CDK13: variants seen among roughly 807,000 people sequenced by gnomAD.
CDK13 encodes cyclin-dependent kinase 13.
In CDK13, 40 loss-of-function variants were observed where a neutral mutation model predicts 137.6. The observed-to-expected ratio is 0.29, with a 90% CI of 0.23 to 0.38. The LOEUF is 0.38. Among genes scored for constraint, CDK13 ranks in the 10% least tolerant of loss-of-function variants. The pLI, the probability that CDK13 is intolerant of heterozygous loss-of-function variation, is 1.00. For missense variants in CDK13, 1,704 were observed against 1,951.8 expected, an observed-to-expected ratio of 0.87 and a Z score of 2.39; for synonymous variants, 869 against 760.1, an observed-to-expected ratio of 1.14 and a Z score of -2.36.
chr7:39,967,993 A>G (rs367659638), intron 1 of CDK13, among the ~76,000 whole-genome samples: 4 of 152,216 alleles, frequency 2.6e-5, no homozygotes, highest in Middle Eastern at 3.4e-3. Context: ...CAGCCTCCCA[A>G]GTAGCTGGGA....
intron 5 of CDK13, among the ~76,000 whole-genome samples, chr7:40,010,014 ACTGGTTT>A (rs896591939): frequency 2.0e-5 from 3 of 152,126 alleles, no homozygotes; most frequent in African/African-American, 7.2e-5. Flanking sequence ...GACACCAGGG[ACTGGTTT>A]CATGCCATTT....
At chr7:40,012,851 G>A (rs1784924416) in intron 5 of CDK13, among the ~76,000 whole-genome samples, 1 of 151,144 alleles carries the variant, frequency 6.6e-6, no homozygotes, top group Non-Finnish European at 1.5e-5. Flanking sequence ...GGCGGAGGTT[G>A]CAGTGAACCA....
At position 40,094,895 on chromosome 7, in the gene CDK13, C is replaced by T. The variant is rs750105973; in HGVS notation, c.4454C>T (p.Ala1485Val). 1 of 1,510,310 alleles carries T rather than the reference C, an allele frequency of 6.6e-7. No homozygotes were observed. Among genetic ancestry groups the T allele is most frequent in the South Asian group, 1.4e-5 (1 of 72,740 alleles). 93.6% of individuals were successfully genotyped at this position (1,510,310 alleles called of 1,614,324 possible). ...CATGGACAGACCTGGACTTCTCCTG[C>T]CCAAGGACCTGGATATTCACAAGGA... ...LMHGQTWTSP[A>V]QGPGYSQGYR... Residue 1485 changes from alanine to valine, a missense_variant, in exon 14 of 14, where the codon GCC becomes GTC. By Grantham distance (64) the Ala-to-Val change is moderately conservative. Around this residue, in one of 5 missense-constraint regions of CDK13, gnomAD observed 475 missense variants for 579.3 expected, o/e 0.82. Transcript: ENST00000181839.
chr7:40,049,811 AC>A (rs747743192), intron 7 of CDK13, among the ~76,000 whole-genome samples: 2 of 152,042 alleles, frequency 1.3e-5, no homozygotes, highest in African/African-American at 2.4e-5. Context: ...TTTAGATTTC[AC>A]GTATAAGTGA....
intron 1 of CDK13, among the ~76,000 whole-genome samples, chr7:39,979,594 G>A (rs533947009): frequency 6.6e-6 from 1 of 152,226 alleles, no homozygotes; most frequent in South Asian, 2.1e-4. Flanking sequence ...CAGTGTCCTC[G>A]AGAATGGAAG....
intron 1 of CDK13, among the ~76,000 whole-genome samples, chr7:39,964,059 A>C (rs1382498035): frequency 6.6e-6 from 1 of 152,238 alleles, no homozygotes; most frequent in East Asian, 1.9e-4. Context: ...GATGTTCATC[A>C]GGGATATTGG....
rs1786834508 is a variant in CDK13, at chr7:40,088,205, G to A, written c.3109G>A (p.Val1037Ile). ...GAAGCAGATGGGCATGACTGATGAT[G>A]TTTCCACAATTAAAGCCCCCAGGAA... ...RQKQMGMTDD[V>I]STIKAPRKDL... The change falls in exon 12 of 14, where the codon GTT (valine) becomes ATT (isoleucine). Residue 1037 changes from valine to isoleucine, a missense_variant. Coordinates refer to ENST00000181839, the MANE Select transcript of CDK13 (RefSeq NM_003718.5). 1 of 1,613,806 alleles carries A rather than the reference G, an allele frequency of 6.2e-7. No homozygotes were observed. Among genetic ancestry groups the A allele is most frequent in the East Asian group, 2.2e-5 (1 of 44,858 alleles).
At chr7:40,038,155 G>A (rs950411268) in intron 5 of CDK13, among the ~76,000 whole-genome samples, 2 of 151,760 alleles carry the variant, frequency 1.3e-5, no homozygotes, top group Non-Finnish European at 2.9e-5. Flanking sequence ...TTAAATGTTT[G>A]TTTCATCCTC....
chr7:39,972,954 A>G (rs547666669), intron 1 of CDK13, among the ~76,000 whole-genome samples: 21 of 152,280 alleles, frequency 1.4e-4, no homozygotes, highest in African/African-American at 4.6e-4. Flanking sequence ...CACATCCTCA[A>G]CAAGAGTTGT....
chr7:40,071,252 T>G (rs1187587624), intron 9 of CDK13: 1 of 152,240 alleles, frequency 6.6e-6, no homozygotes, highest in Non-Finnish European at 1.5e-5. Context: ...TTGTATCTAC[T>G]GAGATTTACC....
chr7:40,032,102 C>T (rs1488792494), intron 5 of CDK13, among the ~76,000 whole-genome samples: 1 of 151,838 alleles, frequency 6.6e-6, no homozygotes, highest in Admixed American at 6.6e-5. Context: ...GTCACCCAGG[C>T]CTGGAGTGCA....
intron 5 of CDK13, among the ~76,000 whole-genome samples, chr7:40,014,731 C>CA (rs1171191806): frequency 6.6e-6 from 1 of 152,172 alleles, no homozygotes; most frequent in African/African-American, 2.4e-5. Flanking sequence ...GCTGGGATTA[C>CA]AGGCGTGTGC....
chr7:40,082,866 C>T (rs560870800), intron 11 of CDK13, among the ~76,000 whole-genome samples: 1 of 148,726 alleles, frequency 6.7e-6, no homozygotes, highest in East Asian at 2.1e-4. Context: ...TTTGAGAGGC[C>T]AAGGCAGGTG....
chr7:39,951,985 C>T (rs952742067), intron 1 of CDK13, 133 bp downstream of exon 1: 5 of 1,009,040 alleles, frequency 5.0e-6, no homozygotes, highest in African/African-American at 3.3e-5. Context: ...GCCTGAGCCT[C>T]CCAGGAAGGA....
At chr7:40,090,477 C>T (rs1216975336) in intron 12 of CDK13, among the ~76,000 whole-genome samples, 5 of 152,332 alleles carry the variant, frequency 3.3e-5, no homozygotes, top group African/African-American at 1.2e-4. Context: ...CCTCAGACTC[C>T]AGAGTAACTG....
rs764395925 is a variant in CDK13, at chr7:39,976,323, T to TCACACACACACACACA, written c.1212-11255_1212-11240dup. ...CTCTCTCTCTCTCTCTCTCTCTCTC[T>TCACACACACACACACA]CACACACACACACACACACACACAC... On this transcript the variant is annotated intron_variant, in intron 1 of 13. Coordinates refer to ENST00000181839, the MANE Select transcript of CDK13 (RefSeq NM_003718.5). Among the ~76,000 whole-genome samples the TCACACACACACACACA allele has an allele frequency of 3.8e-3, 149 of 39,564 alleles. 7 individuals are homozygous for TCACACACACACACACA. The highest frequency in any genetic ancestry group is 5.6e-3 in the Non-Finnish European group (96 of 17,108). The allele number at this position is 39,564 out of a possible 152,430, so 26.0% of individuals were successfully genotyped here.
intron 11 of CDK13, among the ~76,000 whole-genome samples, chr7:40,083,307 CA>C (rs143379108): frequency 0.093 from 7,417 of 79,984 alleles, 453 homozygotes; most frequent in African/African-American, 0.28. Flanking sequence ...CCTGTCTTTA[CA>C]AAAAAAAAAA....
intron 5 of CDK13, among the ~76,000 whole-genome samples, chr7:40,003,383 T>C (rs1252655047): frequency 6.6e-6 from 1 of 152,188 alleles, no homozygotes; most frequent in Non-Finnish European, 1.5e-5. Flanking sequence ...CTTTCATTTC[T>C]CAGCCTGACT....
Position 39,967,923 on chromosome 7 carries a change from A to G in CDK13, c.1211+16071A>G, listed in dbSNP as rs186160471. ...AAAAAAATTGAGATGGGATCTTGCT[A>G]TGTTGCCCAGGCTGGTCTCAAACTC... On this transcript the variant is annotated intron_variant, in intron 1 of 13. Transcript: ENST00000181839. Among the ~76,000 whole-genome samples, 459 of 152,002 alleles carry G rather than the reference A, an allele frequency of 3.0e-3. 1 individual carries two copies. Among genetic ancestry groups the G allele is most frequent in the Non-Finnish European group, 5.0e-3 (340 of 67,978 alleles).
Sources: allele counts gnomAD v4.1 joint callset (sites outside exome capture counted in the v4.1 genomes callset), GRCh38; gene constraint gnomAD v4.1.1; regional missense constraint gnomAD v4.1.1; transcripts MANE v1.5; gene names NCBI Gene and HGNC (gene_info 2026-07-23, HGNC 2026-07-21).